The following MINK1 variants were observed in gnomAD, a reference collection of about 807,000 sequenced individuals.
The protein encoded by MINK1 is misshapen-like kinase 1.
MINK1 carries 46 observed loss-of-function variants against 178.4 expected under a neutral mutation model. That is an observed-to-expected ratio of 0.26 (90% CI 0.20 to 0.33). The LOEUF (loss-of-function observed/expected upper bound fraction) is 0.33, where lower values mean the gene tolerates loss of function less well. Among genes scored for constraint, MINK1 ranks in the 10% least tolerant of loss-of-function variants. The probability of loss-of-function intolerance (pLI) is 1.00; values close to 1 mark genes in which losing one functional copy is unlikely to be tolerated. For missense variants in MINK1, 1,366 were observed against 1,814.9 expected (o/e 0.75, Z 4.49); for synonymous variants, 797 against 709.7 (o/e 1.12, Z -1.96).
intron 21 of MINK1, 130 bp downstream of exon 21, chr17:4,893,727 G>A: frequency 1.5e-6 from 2 of 1,314,904 alleles, no homozygotes; most frequent in Non-Finnish European, 2.0e-6. Context: ...AGTGGGGTGA[G>A]GGTGCAGGTT....
intron 1 of MINK1, among the ~76,000 whole-genome samples, chr17:4,878,012 G>A (rs11657943): frequency 1.3e-5 from 2 of 151,976 alleles, no homozygotes; most frequent in East Asian, 1.9e-4. Context: ...GGGTTTCACC[G>A]TGTTAGCCAG....
intron 1 of MINK1, among the ~76,000 whole-genome samples, chr17:4,863,532 G>A (rs978788841): frequency 8.5e-5 from 13 of 152,110 alleles, no homozygotes; most frequent in African/African-American, 2.9e-4. Context: ...TGGAAAACCC[G>A]GTCCTTTAGG....
At chr17:4,863,176 C>T (rs1367592952) in intron 1 of MINK1, among the ~76,000 whole-genome samples, 1 of 152,200 alleles carries the variant, frequency 6.6e-6, no homozygotes, top group African/African-American at 2.4e-5. Context: ...TAGGGTGGTT[C>T]TGGGTTAATG....
Position 4,885,632 on chromosome 17 carries a change from G to C in MINK1, c.639+19G>C. 1 of 1,613,602 alleles carries C rather than the reference G, an allele frequency of 6.2e-7. No homozygotes were observed. The highest frequency in any genetic ancestry group is 8.5e-7 in the Non-Finnish European group (1 of 1,179,686). On this transcript the variant is annotated intron_variant, in intron 7 of 31. Transcript: ENST00000355280. This position sits in a 1 kb window ranked among gnomAD's most constrained non-coding sequence, Gnocchi z 5.0. The stretch of plus-strand genomic sequence containing the variant: ...TTACAGGGTATGGAGTGGAAAGTTG[G>C]GAGCATGGGGGCTGCCAAGGGCGGG...
At position 4,895,121 on chromosome 17, in the gene MINK1, C is replaced by A; in HGVS notation, c.2964C>A (p.Asp988Glu). The A allele has an allele frequency of 6.2e-7, 1 of 1,613,794 alleles. No individual in the cohort carries two copies. The highest frequency in any genetic ancestry group is 8.5e-7 in the Non-Finnish European group (1 of 1,180,012). ...EGTRLDQLQYDVRKGSVVNVN... is the reference protein window; with the variant it reads ...EGTRLDQLQYEVRKGSVVNVN... ...CTCGGCTCGACCAGCTGCAGTACGA[C>A]GTGAGGAAGGGTTCTGTGGTCAACG... is the stretch of plus-strand genomic sequence containing the variant. Residue 988 changes from aspartate to glutamate, a missense_variant, in exon 25 of 32, where the codon GAC becomes GAA. Asp to Glu is a conservative substitution (Grantham distance 45). Around this residue, in one of 14 missense-constraint regions of MINK1, gnomAD observed 709 missense variants for 692.3 expected, o/e 1.02. Coordinates refer to ENST00000355280, the MANE Select transcript of MINK1 (RefSeq NM_153827.5). This position sits in a 1 kb window ranked among gnomAD's most constrained non-coding sequence, Gnocchi z 4.3.
At chr17:4,838,786 C>G (rs1909684310) in intron 1 of MINK1, among the ~76,000 whole-genome samples, 2 of 152,156 alleles carry the variant, frequency 1.3e-5, no homozygotes, top group Non-Finnish European at 2.9e-5. Flanking sequence ...CCCCTGTCCT[C>G]CACCAGTCAG....
In MINK1 at chr17:4,833,804, C is replaced by T. The variant is rs1908855232; in HGVS notation, c.57+164C>T. ...CGGACTCCCGCCGCGGCTGGGCCCC[C>T]GCCCTCTGCTCCCTTCTCTCTCCAC... On this transcript the variant is annotated intron_variant, in intron 1 of 31. Coordinates refer to ENST00000355280, the MANE Select transcript of MINK1 (RefSeq NM_153827.5). This position sits in a 1 kb window ranked among gnomAD's most constrained non-coding sequence, Gnocchi z 4.8. 6.6e-6 allele frequency among the ~76,000 whole-genome samples: 1 copy of T among 152,214 alleles called. No individual in the cohort carries two copies. The highest frequency in any genetic ancestry group is 2.4e-5 in the African/African-American group (1 of 41,464).
At chr17:4,889,588 G>T in intron 12 of MINK1, 59 bp from the exon 13 acceptor site, 1 of 1,389,624 alleles carries the variant, frequency 7.2e-7, no homozygotes. Context: ...TGTCCATGGA[G>T]GGGCAGTGCT....
intron 1 of MINK1, among the ~76,000 whole-genome samples, chr17:4,869,081 G>A (rs924845154): frequency 5.9e-5 from 9 of 151,582 alleles, no homozygotes; most frequent in African/African-American, 2.2e-4. Context: ...CAGCCACCAC[G>A]CCCGGCTAAT....
chr17:4,839,611 G>C (rs745336293), intron 1 of MINK1, among the ~76,000 whole-genome samples: 6 of 152,128 alleles, frequency 3.9e-5, no homozygotes, highest in African/African-American at 9.7e-5. Context: ...ATTCTCCTCC[G>C]AACCAACCAG....
At position 4,885,787 on chromosome 17, in the gene MINK1, A is replaced by C. The variant is rs548943940; in HGVS notation, c.640-124A>C. On this transcript the variant is annotated intron_variant, in intron 7 of 31. Coordinates refer to ENST00000355280, the MANE Select transcript of MINK1 (RefSeq NM_153827.5). This position sits in a 1 kb window ranked among gnomAD's most constrained non-coding sequence, Gnocchi z 5.0. ...GGGTGGGAAGATGGGATGGGTTGGA[A>C]GGCACTGCTGCAGGAATGGGTGTGG... The C allele has an allele frequency of 7.2e-7, 1 of 1,396,146 alleles. No homozygotes were observed. Among genetic ancestry groups the C allele is most frequent in the South Asian group, 1.3e-5 (1 of 79,082 alleles). 86.5% of individuals were successfully genotyped at this position (1,396,146 alleles called of 1,614,324 possible). A position where few individuals can be genotyped will look rare whatever the true frequency, so the allele number is the denominator to read the frequency against.
At chr17:4,838,965 A>G (rs545873317) in intron 1 of MINK1, among the ~76,000 whole-genome samples, 4 of 148,624 alleles carry the variant, frequency 2.7e-5, no homozygotes, top group Non-Finnish European at 5.9e-5. Flanking sequence ...TTTTTTTGAG[A>G]CGCAGTCTCG....
At chr17:4,871,180 AATTTTT>A in intron 1 of MINK1, 1 of 168,134 alleles carries the variant, frequency 5.9e-6, no homozygotes, top group East Asian at 2.1e-4. Flanking sequence ...TGTTTGTTTT[AATTTTT>A]TTTTTTTTTT....
At chr17:4,881,948 C>T (rs184010020) in intron 4 of MINK1, among the ~76,000 whole-genome samples, 9 of 152,404 alleles carry the variant, frequency 5.9e-5, no homozygotes, top group Non-Finnish European at 1.0e-4. Context: ...GACGCCAGGT[C>T]TCCCCTCCCA....
intron 1 of MINK1, among the ~76,000 whole-genome samples, chr17:4,858,473 A>C (rs1265316230): frequency 1.3e-5 from 2 of 148,848 alleles, no homozygotes; most frequent in African/African-American, 5.1e-5. Context: ...TTTTAATTTA[A>C]ATTTAATTTT....
rs556796642 is a variant in MINK1 at position 4,871,661 on chromosome 17, A to G, written c.58-6656A>G. 2.1e-3 allele frequency among the ~76,000 whole-genome samples: 317 copies of G among 152,232 alleles called. 1 individual carries two copies. The highest frequency in any genetic ancestry group is 3.1e-3 in the Non-Finnish European group (213 of 68,008). ...CATCTACATATTTTTGTGTGGATAT[A>G]TGTTCTCAGTTTTCTTGAGTATCTA... On this transcript the variant is annotated intron_variant, in intron 1 of 31. Transcript: ENST00000355280.
intron 4 of MINK1, among the ~76,000 whole-genome samples, chr17:4,884,081 G>A (rs1487658450): frequency 7.0e-6 from 1 of 143,128 alleles, no homozygotes; most frequent in African/African-American, 2.6e-5. Flanking sequence ...TGGCCAGGCT[G>A]GTCTTGAACT....
Position 4,896,622 on chromosome 17 carries a change from C to T in MINK1, c.3775+34C>T, listed in dbSNP as rs1391712988. The T allele has an allele frequency of 1.1e-5, 18 of 1,611,984 alleles. No homozygotes were observed. Among genetic ancestry groups the T allele is most frequent in the Admixed American group, 5.0e-5 (3 of 59,892 alleles). Reference sequence around the variant, plus strand: ...GCTGCCGCCCTCCCAGCCACATGCCCCGAGGTGGCCCCGGGGTGCAGCCTG... The same window carrying T: ...GCTGCCGCCCTCCCAGCCACATGCCTCGAGGTGGCCCCGGGGTGCAGCCTG... On this transcript the variant is annotated intron_variant, in intron 30 of 31. Transcript: ENST00000355280. This position sits in a 1 kb window ranked among gnomAD's most constrained non-coding sequence, Gnocchi z 4.6.
At chr17:4,874,615 G>C (rs550092169) in intron 1 of MINK1, among the ~76,000 whole-genome samples, 1 of 152,270 alleles carries the variant, frequency 6.6e-6, no homozygotes, top group South Asian at 2.1e-4. Context: ...CTGCGATACA[G>C]GAAAGGGAGG....
Sources: allele counts gnomAD v4.1 joint callset (sites outside exome capture counted in the v4.1 genomes callset), GRCh38; gene constraint gnomAD v4.1.1; regional missense constraint gnomAD v4.1.1; non-coding constraint Gnocchi (gnomAD v3.1); transcripts MANE v1.5; gene names NCBI Gene and HGNC (gene_info 2026-07-23, HGNC 2026-07-21).